NR4A3: variants seen among roughly 807,000 people sequenced by gnomAD.
The protein encoded by NR4A3 is nuclear receptor subfamily 4 group A member 3.
In NR4A3, 13 loss-of-function variants were observed where a neutral mutation model predicts 55.6. The observed-to-expected ratio is 0.23, with a 90% CI of 0.15 to 0.37. NR4A3 has a LOEUF of 0.37. Ranked by LOEUF, NR4A3 falls within the 10% of genes least tolerant of loss-of-function variation. The pLI is 1.00. For synonymous variants in NR4A3, 342 were observed against 357.9 expected, an observed-to-expected ratio of 0.96 and a Z score of 0.50; for missense variants, 646 against 822.8, an observed-to-expected ratio of 0.79 and a Z score of 2.63.
At position 99,832,756 on chromosome 9, in the gene NR4A3, G is replaced by T; in HGVS notation, c.1019G>T (p.Arg340Leu). The T allele has an allele frequency of 1.2e-6, 2 of 1,609,364 alleles. No individual in the cohort carries two copies. The highest frequency in any genetic ancestry group is 8.5e-7 in the Non-Finnish European group (1 of 1,176,644). The stretch of plus-strand genomic sequence containing the variant: ...AAAAACTGCCCAGTAGACAAGAGAC[G>T]TCGAAACCGATGTCAGTACTGTCGA... The part of the protein sequence containing the change: ...ANKNCPVDKR[R>L]RNRCQYCRFQ... The change falls in exon 4 of 8, where the codon CGT becomes CTT. Residue 340 changes from arginine (R) to leucine (L), a missense_variant. Around this residue, in one of 5 missense-constraint regions of NR4A3, gnomAD observed 44 missense variants for 119.3 expected, o/e 0.37. Transcript: ENST00000395097.
chr9:99,856,162 T>A (rs1827924596), intron 7 of NR4A3, among the ~76,000 whole-genome samples: 1 of 152,006 alleles, frequency 6.6e-6, no homozygotes, highest in South Asian at 2.1e-4. Flanking sequence ...ATTATTACAT[T>A]GTAATATAAA....
Position 99,866,658 on chromosome 9 carries a change from C to T in NR4A3, c.*2791C>T, listed in dbSNP as rs1030099946. The T allele has an allele frequency of 1.3e-5, 3 of 225,350 alleles. No homozygotes were observed. Among genetic ancestry groups the T allele is most frequent in the African/African-American group, 6.7e-5 (3 of 44,908 alleles). 14.0% of individuals were successfully genotyped at this position (225,350 alleles called of 1,614,324 possible). A position where few individuals can be genotyped will look rare whatever the true frequency, so the allele number is the denominator to read the frequency against. On this transcript the variant is annotated 3_prime_UTR_variant, in exon 8 of 8. Transcript: ENST00000395097. ...TGTATTAAAGCAGGTGATTCCTCCC[C>T]TTGGCGGGAGAGCTCTCTCAGTGTG...
At chr9:99,824,360 G>A (rs1009506371) in intron 1 of NR4A3, among the ~76,000 whole-genome samples, 1 of 152,182 alleles carries the variant, frequency 6.6e-6, no homozygotes, top group Non-Finnish European at 1.5e-5. Context: ...ACGGGAATGC[G>A]GGCACCCACT....
chr9:99,855,650 C>T (rs1031898744), intron 7 of NR4A3, among the ~76,000 whole-genome samples: 1 of 152,150 alleles, frequency 6.6e-6, no homozygotes, highest in South Asian at 2.1e-4. Flanking sequence ...TCCTGACCAG[C>T]GTGGGCTCAA....
At position 99,825,589 on chromosome 9, in the gene NR4A3, G is replaced by C. The variant is rs937113868; in HGVS notation, c.-176-70G>C. ...AACCAATTCCCCCAGTCCCCAATGC[G>C]CCCAGCCCGGGCCGTAGTGACCCAT... On this transcript the variant is annotated intron_variant, in intron 1 of 7. Coordinates refer to ENST00000395097, the MANE Select transcript of NR4A3 (RefSeq NM_006981.4). The surrounding 1 kb of genome is among the most constrained non-coding windows in gnomAD (Gnocchi z 5.0). 2.6e-5 allele frequency: 4 copies of C among 153,100 alleles called. No individual in the cohort carries two copies. Among genetic ancestry groups the C allele is most frequent in the African/African-American group, 9.7e-5 (4 of 41,436 alleles). 9.5% of individuals were successfully genotyped at this position (153,100 alleles called of 1,614,324 possible).
intron 5 of NR4A3, among the ~76,000 whole-genome samples, chr9:99,840,552 C>A (rs939570919): frequency 2.5e-4 from 38 of 152,208 alleles, no homozygotes; most frequent in African/African-American, 8.9e-4. Context: ...GCAATAACAT[C>A]ATACCTGGTG....
chr9:99,848,884 C>T (rs1246737462), intron 7 of NR4A3, among the ~76,000 whole-genome samples: 1 of 152,126 alleles, frequency 6.6e-6, no homozygotes, highest in African/African-American at 2.4e-5. Flanking sequence ...TCTGGTCAGA[C>T]TGGGGCCTGG....
intron 7 of NR4A3, among the ~76,000 whole-genome samples, chr9:99,849,223 C>G (rs1422841642): frequency 6.6e-6 from 1 of 152,208 alleles, no homozygotes; most frequent in Non-Finnish European, 1.5e-5. Flanking sequence ...GCTGGTTCAT[C>G]ATTTGATGGT....
chr9:99,833,295 T>C lies in NR4A3; in HGVS notation c.1095T>C (p.Asp365=), dbSNP rs552211074. The change falls in exon 5 of 8, where the codon GAT becomes GAC. Residue 365 remains aspartate (D), a synonymous_variant. Transcript: ENST00000395097. ...TTTTGGCATCAGTTGTCCGTACAGATAGTCTGAAAGGGAGGAGAGGTCGTC... is the reference window on the plus strand; with the variant it reads ...TTTTGGCATCAGTTGTCCGTACAGACAGTCTGAAAGGGAGGAGAGGTCGTC... ...VGMVKEVVRT[D]SLKGRRGRLP... 366 of 1,610,800 alleles carry C rather than the reference T, an allele frequency of 2.3e-4. 3 individuals carry two copies. In the South Asian group the frequency reaches 3.9e-3, roughly 17 times the overall value.
intron 7 of NR4A3, among the ~76,000 whole-genome samples, chr9:99,856,375 C>T (rs1448252846): frequency 1.3e-5 from 2 of 151,874 alleles, no homozygotes; most frequent in Non-Finnish European, 2.9e-5. Context: ...AATCTAATGC[C>T]GCCACTCATC....
intron 7 of NR4A3, among the ~76,000 whole-genome samples, chr9:99,858,628 A>C (rs1412518236): frequency 6.6e-6 from 1 of 152,266 alleles, no homozygotes; most frequent in African/African-American, 2.4e-5. Flanking sequence ...ACGAGGAGAA[A>C]CTTTCTAACA....
intron 6 of NR4A3, 55 bp from the exon 7 acceptor site, chr9:99,847,382 A>C: frequency 6.5e-7 from 1 of 1,535,918 alleles, no homozygotes; most frequent in Non-Finnish European, 9.0e-7. Context: ...TAATGTTATC[A>C]TGTTGGACAG....
chr9:99,836,881 C>T (rs1827567842), intron 5 of NR4A3, among the ~76,000 whole-genome samples: 1 of 152,088 alleles, frequency 6.6e-6, no homozygotes, highest in Admixed American at 6.5e-5. Context: ...TATTTTTTGT[C>T]TTTTTAATAA....
chr9:99,856,810 T>A (rs1827935251), intron 7 of NR4A3, among the ~76,000 whole-genome samples: 1 of 152,156 alleles, frequency 6.6e-6, no homozygotes, highest in Non-Finnish European at 1.5e-5. Context: ...CCTAAACGGA[T>A]TCTGCATTTC....
At chr9:99,834,563 C>T (rs1290431981) in intron 5 of NR4A3, among the ~76,000 whole-genome samples, 1 of 152,144 alleles carries the variant, frequency 6.6e-6, no homozygotes, top group African/African-American at 2.4e-5. Context: ...AGTCCAGAGG[C>T]CCCCAGTCGG....
intron 2 of NR4A3, among the ~76,000 whole-genome samples, chr9:99,827,016 G>A (rs750287787): frequency 5.3e-5 from 8 of 152,058 alleles, no homozygotes; most frequent in African/African-American, 9.7e-5. Flanking sequence ...AATTCTCAGC[G>A]CCTTCTCACT....
At chr9:99,861,718 T>C (rs1001718414) in intron 7 of NR4A3, among the ~76,000 whole-genome samples, 2 of 152,218 alleles carry the variant, frequency 1.3e-5, no homozygotes, top group African/African-American at 4.8e-5. Flanking sequence ...GAAAAAAGTG[T>C]CTGGATAGTT....
intron 7 of NR4A3, among the ~76,000 whole-genome samples, chr9:99,850,123 G>A (rs1655055902): frequency 6.6e-6 from 1 of 152,214 alleles, no homozygotes; most frequent in Non-Finnish European, 1.5e-5. Flanking sequence ...TCAGGGTGGG[G>A]CGGGACATAA....
rs1423882065 is a variant in NR4A3, at chr9:99,828,838, A to G, written c.796A>G (p.Thr266Ala). The change falls in exon 3 of 8, where the codon ACC becomes GCC. Residue 266 changes from threonine to alanine, a missense_variant. This residue lies in a region of NR4A3 where 426 missense variants were observed against 429.4 expected (regional missense o/e 0.99). Transcript: ENST00000395097. The surrounding 1 kb of genome is among the most constrained non-coding windows in gnomAD (Gnocchi z 7.7). ...FPPLGLTPSP[T>A]ASSLLGESPS... ...GCCTCTCGGCCTCACGCCCTCCCCT[A>G]CCGCGTCCAGCCTGCTGGGCGAGAG... 10 of 1,491,944 alleles carry G rather than the reference A, an allele frequency of 6.7e-6. No homozygotes were observed. Among genetic ancestry groups the G allele is most frequent in the Non-Finnish European group, 8.0e-6 (9 of 1,125,676 alleles). 92.4% of individuals were successfully genotyped at this position (1,491,944 alleles called of 1,614,324 possible).
Sources: gnomAD v4.1 joint callset for allele counts (sites outside exome capture counted in the v4.1 genomes callset) on GRCh38, gnomAD v4.1.1 for gene constraint, gnomAD v4.1.1 regional missense constraint, Gnocchi (gnomAD v3.1) non-coding constraint, MANE v1.5 for transcripts, NCBI Gene and HGNC (gene_info 2026-07-23, HGNC 2026-07-21) for gene names.